The following GCSAML variants were observed in gnomAD, a reference collection of about 807,000 sequenced individuals.
The protein encoded by GCSAML is germinal center-associated signaling and motility-like protein.
Under a neutral mutation model 13.0 loss-of-function variants are expected in GCSAML, and 9 were observed. That is an observed-to-expected ratio of 0.69 (90% CI 0.42 to 1.21). GCSAML has a LOEUF of 1.21. Ranked by LOEUF, GCSAML falls within the 50% of genes most tolerant of loss-of-function variation. GCSAML has a pLI of 0.00. For missense variants in GCSAML, 143 were observed against 153.4 expected, an observed-to-expected ratio of 0.93 and a Z score of 0.36; for synonymous variants, 37 against 52.9, an observed-to-expected ratio of 0.70 and a Z score of 1.31.
rs983528281 is a variant in GCSAML at position 247,563,586 on chromosome 1, G to T, written c.90-4G>T. 9 of 1,565,698 alleles carry T rather than the reference G, an allele frequency of 5.7e-6. No homozygotes were observed. The highest frequency in any genetic ancestry group is 2.7e-5 in the African/African-American group (2 of 73,818). ...ATCTCATGTTACTATCTCTTTCCTTGTAGGCAGGAAATGACTACATTTGAA... is the reference window on the plus strand; with the variant it reads ...ATCTCATGTTACTATCTCTTTCCTTTTAGGCAGGAAATGACTACATTTGAA... On this transcript the variant is annotated splice_polypyrimidine_tract_variant and splice_region_variant and intron_variant, in intron 2 of 4. Coordinates refer to ENST00000366488, the MANE Select transcript of GCSAML (RefSeq NM_145278.5).
At chr1:247,573,447 T>C (rs2103082345) in intron 4 of GCSAML, among the ~76,000 whole-genome samples, 1 of 152,188 alleles carries the variant, frequency 6.6e-6, no homozygotes, top group Admixed American at 6.5e-5. Flanking sequence ...GGGAGGGAGT[T>C]CCCCAATCCC....
At position 247,575,504 on chromosome 1, in the gene GCSAML, C is replaced by T. The variant is rs1461876127; in HGVS notation, c.*1122C>T. On this transcript the variant is annotated 3_prime_UTR_variant, in exon 5 of 5. Transcript: ENST00000366488. ...AGACCCTTTGCTAACCTGACATTTA[C>T]TTCAATTTTTCTTTTTCTATGTACT... The T allele has an allele frequency of 6.6e-6, 1 of 152,176 alleles. No homozygotes were observed. The highest frequency in any genetic ancestry group is 1.5e-5 in the Non-Finnish European group (1 of 68,038). The allele number at this position is 152,176 out of a possible 1,614,324, so 9.4% of individuals were successfully genotyped here. A position where few individuals can be genotyped will look rare whatever the true frequency, so the allele number is the denominator to read the frequency against.
upstream of GCSAML, among the ~76,000 whole-genome samples, chr1:247,546,651 G>A (rs1038950635): frequency 5.3e-5 from 8 of 151,320 alleles, no homozygotes; most frequent in Non-Finnish European, 7.4e-5. Context: ...GTGAGCCACC[G>A]CGCCCGGCTG....
intron 2 of GCSAML, chr1:247,531,739 A>G: frequency 6.2e-7 from 1 of 1,614,172 alleles, no homozygotes; most frequent in Non-Finnish European, 8.5e-7. Context: ...GAGATACATG[A>G]AGATGATGCT....
intron 1 of GCSAML, among the ~76,000 whole-genome samples, chr1:247,509,830 C>G (rs1405989580): frequency 1.3e-5 from 2 of 152,150 alleles, no homozygotes; most frequent in Non-Finnish European, 2.9e-5. Context: ...GTTGAACCAG[C>G]CTTGCATCTC....
rs937444651 is a variant in GCSAML, at chr1:247,508,907, TTATAA to T, written c.-263+1679_-263+1683del. Among the ~76,000 whole-genome samples the T allele has an allele frequency of 5.3e-5, 8 of 152,320 alleles. No homozygotes were observed. In the East Asian group the frequency reaches 1.5e-3, roughly 29 times the overall value. On this transcript the variant is annotated intron_variant, in intron 1 of 5. Transcript: ENST00000366489. ...TCATGCTATTTTGGTTACTGTAACC[TTATAA>T]TATAGTTTGAAGTTGGGTAGTGTGA...
intron 2 of GCSAML, chr1:247,531,664 G>A (rs372016969): frequency 6.2e-7 from 1 of 1,614,200 alleles, no homozygotes; most frequent in South Asian, 1.1e-5. Context: ...CAGCGCAGGA[G>A]TGACTACGGT....
At chr1:247,570,128 C>G (rs1668542818) in intron 4 of GCSAML, among the ~76,000 whole-genome samples, 1 of 152,014 alleles carries the variant, frequency 6.6e-6, no homozygotes, top group South Asian at 2.1e-4. Context: ...AGTGGTCTAT[C>G]TGTTTTGTTA....
At position 247,574,181 on chromosome 1, in the gene GCSAML, C is replaced by T. The variant is rs1160838495; in HGVS notation, c.207C>T (p.Tyr69=). Residue 69 remains tyrosine, a synonymous_variant, in exon 5 of 5, where the codon TAC becomes TAT. Transcript: ENST00000366488. ...GCAGTGGTTCTGAAGAAGTGTGCTACACTGTCATTAATCACATCCCCCATC... is the reference window on the plus strand; with the variant it reads ...GCAGTGGTTCTGAAGAAGTGTGCTATACTGTCATTAATCACATCCCCCATC... ...ENGSGSEEVC[Y]TVINHIPHQR... is the part of the protein sequence containing the mutation. The T allele has an allele frequency of 6.2e-7, 1 of 1,613,914 alleles. No individual in the cohort carries two copies. The highest frequency in any genetic ancestry group is 8.5e-7 in the Non-Finnish European group (1 of 1,179,922).
At chr1:247,571,873 C>G (rs1668627003) in intron 4 of GCSAML, among the ~76,000 whole-genome samples, 1 of 152,088 alleles carries the variant, frequency 6.6e-6, no homozygotes, top group Non-Finnish European at 1.5e-5. Flanking sequence ...CACATAGTCC[C>G]ATATTTCTTG....
At chr1:247,534,884 C>T (rs966811497) in intron 2 of GCSAML, among the ~76,000 whole-genome samples, 12 of 152,162 alleles carry the variant, frequency 7.9e-5, no homozygotes, top group African/African-American at 1.7e-4. Flanking sequence ...AAAATTCACA[C>T]GTGGAAGCTG....
At chr1:247,531,881 G>T (rs369513053) in intron 2 of GCSAML, 2 of 1,614,088 alleles carry the variant, frequency 1.2e-6, no homozygotes, top group East Asian at 2.2e-5. Context: ...AGCCCCAGAG[G>T]CAGGACAACA....
rs1421200950 is a variant in GCSAML, at chr1:247,527,905, A to G, written c.-148+851A>G. The stretch of plus-strand genomic sequence containing the variant: ...TCTCATTCCCCCACCCCTGCTATCC[A>G]TTCCCAGCCTCAAGTATCCTCTGTT... On this transcript the variant is annotated intron_variant, in intron 2 of 5. Coordinates refer to the GCSAML transcript ENST00000366489. The surrounding 1 kb of genome is among the most constrained non-coding windows in gnomAD (Gnocchi z 4.6). 2.6e-5 allele frequency: 4 copies of G among 151,608 alleles called. No individual in the cohort carries two copies. In the East Asian group the frequency reaches 7.8e-4, roughly 29 times the overall value. 9.4% of individuals were successfully genotyped at this position (151,608 alleles called of 1,614,324 possible). A position where few individuals can be genotyped will look rare whatever the true frequency, so the allele number is the denominator to read the frequency against.
chr1:247,532,144 C>A (rs146056608), intron 2 of GCSAML: 2 of 1,614,006 alleles, frequency 1.2e-6, no homozygotes, highest in East Asian at 2.2e-5. Context: ...GGCAGCGTAG[C>A]GGTCATAGGA....
chr1:247,535,891 A>C (rs1667199799), intron 2 of GCSAML, among the ~76,000 whole-genome samples: 2 of 152,232 alleles, frequency 1.3e-5, no homozygotes. Context: ...CCTATCCCAA[A>C]CACTGTGCCA....
chr1:247,543,797 A>C (rs921284725), intron 2 of GCSAML, among the ~76,000 whole-genome samples: 3 of 151,610 alleles, frequency 2.0e-5, no homozygotes, highest in Non-Finnish European at 3.0e-5. Context: ...CTTATTAAAA[A>C]AATTTTTTTA....
chr1:247,534,673 G>C (rs1667146762), intron 2 of GCSAML, among the ~76,000 whole-genome samples: 1 of 152,288 alleles, frequency 6.6e-6, no homozygotes, highest in South Asian at 2.1e-4. Context: ...GATTCACCCA[G>C]ATTAGGGGAA....
At chr1:247,545,844 C>T (rs1351857661), upstream of GCSAML, among the ~76,000 whole-genome samples, 1 of 152,146 alleles carries the variant, frequency 6.6e-6, no homozygotes, top group African/African-American at 2.4e-5. Context: ...CCATAGGTTG[C>T]CTTTTCATTC....
intron 2 of GCSAML, among the ~76,000 whole-genome samples, chr1:247,558,882 A>G (rs1668036060): frequency 6.6e-6 from 1 of 151,264 alleles, no homozygotes; most frequent in Non-Finnish European, 1.5e-5. Context: ...AGTCTTGAAT[A>G]TAATTTAAAT....
Sources: allele counts gnomAD v4.1 joint callset (sites outside exome capture counted in the v4.1 genomes callset), GRCh38; gene constraint gnomAD v4.1.1; non-coding constraint Gnocchi (gnomAD v3.1); transcripts MANE v1.5; gene names NCBI Gene and HGNC (gene_info 2026-07-23, HGNC 2026-07-21).